The following SEPTIN9 variants were observed in gnomAD, a reference collection of about 807,000 sequenced individuals.
SEPTIN9 encodes septin-9.
Under a neutral mutation model 56.6 loss-of-function variants are expected in SEPTIN9, and 13 were observed. That is an observed-to-expected ratio of 0.23 (90% confidence interval 0.15 to 0.37). The LOEUF (loss-of-function observed/expected upper bound fraction) is 0.37. Ranked by LOEUF, SEPTIN9 falls within the 10% of genes least tolerant of loss-of-function variation. The pLI, the probability that SEPTIN9 is intolerant of heterozygous loss-of-function variation, is 1.00. For synonymous variants in SEPTIN9, 332 were observed against 334.1 expected (o/e 0.99, Z 0.07); for missense variants, 650 against 823.1 (o/e 0.79, Z 2.57).
rs2037363942 is a variant in SEPTIN9, at chr17:77,436,952, G to A, written c.721+34249G>A. The stretch of plus-strand genomic sequence containing the variant: ...TTGGGGTGGTGAGTGGAAGATGCAG[G>A]ACACAGATTCACGCGATTGTGCAGA... On this transcript the variant is annotated intron_variant, in intron 3 of 11. Transcript: ENST00000427177. The surrounding 1 kb of genome is among the most constrained non-coding windows in gnomAD (Gnocchi z 4.4). Among the ~76,000 whole-genome samples the A allele has an allele frequency of 6.6e-6, 1 of 152,222 alleles. No homozygotes were observed. The highest frequency in any genetic ancestry group is 1.5e-5 in the Non-Finnish European group (1 of 68,022).
rs775280084 is a variant in SEPTIN9, at chr17:77,323,227, G to A, written c.76+16030G>A. ...CCCCTGGGAAGGTGCTGGAGGGTTT[G>A]TCAGCAGGGCCGGCATGAGTCATGG... On this transcript the variant is annotated intron_variant, in intron 2 of 11. Coordinates refer to ENST00000427177, the MANE Select transcript of SEPTIN9 (RefSeq NM_001113491.2). This position sits in a 1 kb window ranked among gnomAD's most constrained non-coding sequence, Gnocchi z 6.8. Among the ~76,000 whole-genome samples, 107 of 152,262 alleles carry A rather than the reference G, an allele frequency of 7.0e-4. No individual in the cohort carries two copies. Among genetic ancestry groups the A allele is most frequent in the Middle Eastern group, 3.4e-3 (1 of 294 alleles).
At chr17:77,438,322 C>T (rs559520798) in intron 3 of SEPTIN9, among the ~76,000 whole-genome samples, 12 of 152,318 alleles carry the variant, frequency 7.9e-5, no homozygotes, top group East Asian at 5.8e-4. Context: ...TTCGAACCCA[C>T]GCAGGCAGCC....
intron 3 of SEPTIN9, among the ~76,000 whole-genome samples, chr17:77,441,915 C>T (rs1018784695): frequency 6.6e-6 from 1 of 152,144 alleles, no homozygotes; most frequent in African/African-American, 2.4e-5. Context: ...GGCGACACTG[C>T]AGTGAAGAGG....
intron 4 of SEPTIN9, among the ~76,000 whole-genome samples, chr17:77,485,225 A>T (rs1333133972): frequency 8.5e-6 from 1 of 117,676 alleles, no homozygotes; most frequent in East Asian, 2.9e-4. Context: ...ATGGTGGTGA[A>T]GGGGGTGATG....
chr17:77,320,246 A>G lies in SEPTIN9; in HGVS notation c.76+13049A>G, dbSNP rs140915871. On this transcript the variant is annotated intron_variant, in intron 2 of 11. Transcript: ENST00000427177. ...GGAGGAGGAGGAGGCTGAGAGAGGG[A>G]GGGCGACGGGGGTGAGAAAGGGGAG... 4,150 of 1,610,216 alleles carry G rather than the reference A, an allele frequency of 2.6e-3. 59 individuals carry two copies. The African/African-American group carries it at 0.032, about 12-fold the overall frequency.
intron 2 of SEPTIN9, among the ~76,000 whole-genome samples, chr17:77,341,808 C>T (rs1202225911): frequency 7.7e-5 from 11 of 143,598 alleles, no homozygotes; most frequent in South Asian, 4.5e-4. Context: ...AAGGGCCGGG[C>T]GCAGTGGCTC....
intron 3 of SEPTIN9, among the ~76,000 whole-genome samples, chr17:77,414,139 C>T (rs779880439): frequency 1.3e-5 from 2 of 151,968 alleles, no homozygotes; most frequent in African/African-American, 2.4e-5. Flanking sequence ...AGTGCAGTGG[C>T]GCCATCTCGG....
At chr17:77,455,496 T>C (rs2038159060) in intron 3 of SEPTIN9, among the ~76,000 whole-genome samples, 1 of 152,234 alleles carries the variant, frequency 6.6e-6, no homozygotes, top group South Asian at 2.1e-4. Flanking sequence ...CCCAGTGGAA[T>C]GTGCATGGAC....
chr17:77,393,950 A>C (rs2035624284), intron 2 of SEPTIN9, among the ~76,000 whole-genome samples: 1 of 152,156 alleles, frequency 6.6e-6, no homozygotes, highest in Admixed American at 6.6e-5. Flanking sequence ...TGAGGCTCAG[A>C]GTAGACTGTG....
chr17:77,376,150 T>TGGCCAGCAGC (rs2034911576), intron 2 of SEPTIN9: 10 of 987,030 alleles, frequency 1.0e-5, no homozygotes, highest in Non-Finnish European at 1.1e-5. Context: ...GAGAGCCTTC[T>TGGCCAGCAGC]GGCCAGCAGC....
chr17:77,383,369 CTT>C (rs2035216696), intron 2 of SEPTIN9, among the ~76,000 whole-genome samples: 1 of 152,052 alleles, frequency 6.6e-6, no homozygotes, highest in Non-Finnish European at 1.5e-5. Context: ...TACAAGGTGT[CTT>C]TTAATCCCCA....
intron 7 of SEPTIN9, among the ~76,000 whole-genome samples, chr17:77,489,513 G>C (rs973037730): frequency 1.3e-5 from 2 of 152,232 alleles, no homozygotes; most frequent in Non-Finnish European, 2.9e-5. Context: ...CCCTGAGCCA[G>C]GGCTGGGAGG....
At chr17:77,424,895 G>A (rs2036844203) in intron 3 of SEPTIN9, among the ~76,000 whole-genome samples, 1 of 152,176 alleles carries the variant, frequency 6.6e-6, no homozygotes, top group African/African-American at 2.4e-5. Context: ...GGAAGGAGGG[G>A]CTGGGGGGTA....
chr17:77,497,261 C>T (rs894346049), intron 10 of SEPTIN9, 54 bp from the exon 11 acceptor site: 1 of 1,550,204 alleles, frequency 6.5e-7, no homozygotes, highest in South Asian at 1.1e-5. Context: ...GAGGTGGGGT[C>T]CGGGCAGAGT....
intron 2 of SEPTIN9, among the ~76,000 whole-genome samples, chr17:77,335,552 C>T (rs1473404775): frequency 6.7e-6 from 1 of 149,034 alleles, no homozygotes; most frequent in Non-Finnish European, 1.5e-5. Flanking sequence ...ACATGTAGGC[C>T]CTATGTTGAC....
rs534942042 is a variant in SEPTIN9 at position 77,492,491 on chromosome 17, C to G, written c.1381-130C>G. 6 of 808,552 alleles carry G rather than the reference C, an allele frequency of 7.4e-6. No individual in the cohort carries two copies. The Admixed American group carries it at 1.1e-4, about 14-fold the overall frequency. The allele number at this position is 808,552 out of a possible 1,614,324, so 50.1% of individuals were successfully genotyped here. A position where few individuals can be genotyped will look rare whatever the true frequency, so the allele number is the denominator to read the frequency against. Reference sequence around the variant, plus strand: ...CAGGAGTTGGAGGTGATTGGTGTCACAGCCCCCCAGAGCCTGCCCTTGAAC... The same window carrying G: ...CAGGAGTTGGAGGTGATTGGTGTCAGAGCCCCCCAGAGCCTGCCCTTGAAC... On this transcript the variant is annotated intron_variant, in intron 8 of 11. Coordinates refer to ENST00000427177, the MANE Select transcript of SEPTIN9 (RefSeq NM_001113491.2). The surrounding 1 kb of genome is among the most constrained non-coding windows in gnomAD (Gnocchi z 5.4).
chr17:77,334,515 T>A (rs1283957494), intron 2 of SEPTIN9, among the ~76,000 whole-genome samples: 2 of 152,074 alleles, frequency 1.3e-5, no homozygotes, highest in Non-Finnish European at 2.9e-5. Context: ...AAGTTTTTTT[T>A]TCCACATTGC....
At chr17:77,289,213 C>T (rs547575949) in intron 1 of SEPTIN9, among the ~76,000 whole-genome samples, 1 of 152,220 alleles carries the variant, frequency 6.6e-6, no homozygotes, top group East Asian at 1.9e-4. Context: ...TCTCCTGCCT[C>T]AGCCTCCTGA....
At chr17:77,384,626 C>T (rs1191256780) in intron 2 of SEPTIN9, among the ~76,000 whole-genome samples, 1 of 152,002 alleles carries the variant, frequency 6.6e-6, no homozygotes, top group African/African-American at 2.4e-5. Context: ...CCCTCCTGAG[C>T]CAGAACCACC....
Sources: gnomAD v4.1 joint callset for allele counts (sites outside exome capture counted in the v4.1 genomes callset) on GRCh38, gnomAD v4.1.1 for gene constraint, Gnocchi (gnomAD v3.1) non-coding constraint, MANE v1.5 for transcripts, NCBI Gene and HGNC (gene_info 2026-07-23, HGNC 2026-07-21) for gene names.